Variants in DIPK1A observed in about 807,000 individuals in gnomAD.
DIPK1A encodes the protein divergent protein kinase domain 1A, also known as family with sequence similarity 69 member A.
Under a neutral mutation model 40.8 loss-of-function variants are expected in DIPK1A, and 27 were observed. The ratio of observed to expected loss-of-function variants is 0.66; its 90% CI spans 0.49 to 0.91. The LOEUF (loss-of-function observed/expected upper bound fraction) is 0.91. Among genes scored for constraint, DIPK1A ranks in the 40% least tolerant of loss-of-function variants. The pLI, the probability that DIPK1A is intolerant of heterozygous loss-of-function variation, is 0.00. For synonymous variants in DIPK1A, 166 were observed against 171.3 expected (o/e 0.97, Z 0.24); for missense variants, 412 against 505.7 (o/e 0.81, Z 1.78).
chr1:92,836,497 G>A, intron 4 of DIPK1A: 1 of 1,021,384 alleles, frequency 9.8e-7, no homozygotes, highest in East Asian at 2.5e-5. Flanking sequence ...TCAATTGAAT[G>A]CCTGCTGTAT....
intron 1 of DIPK1A, among the ~76,000 whole-genome samples, chr1:92,905,554 T>C (rs1009090881): frequency 6.6e-6 from 1 of 152,192 alleles, no homozygotes; most frequent in Non-Finnish European, 1.5e-5. Context: ...TTGCAAATAT[T>C]TTCTCCCATT....
At chr1:92,901,485 C>A (rs1457658335) in intron 1 of DIPK1A, among the ~76,000 whole-genome samples, 1 of 152,054 alleles carries the variant, frequency 6.6e-6, no homozygotes, top group African/African-American at 2.4e-5. Context: ...AGCTAGGCTG[C>A]AGCTGTGATT....
intron 1 of DIPK1A, among the ~76,000 whole-genome samples, chr1:92,954,784 C>A (rs556848446): frequency 2.0e-5 from 3 of 151,928 alleles, no homozygotes; most frequent in Non-Finnish European, 4.4e-5. Flanking sequence ...TAAAATGTAC[C>A]TAACTGCTAC....
At chr1:92,853,897 G>GT (rs370909256) in intron 2 of DIPK1A, among the ~76,000 whole-genome samples, 80 of 151,590 alleles carry the variant, frequency 5.3e-4, no homozygotes, top group Middle Eastern at 6.8e-3. Flanking sequence ...TTTTTGTTTT[G>GT]TTTTTTTGAG....
At chr1:92,839,632 A>G (rs1687272992), downstream of DIPK1A, among the ~76,000 whole-genome samples, 2 of 152,312 alleles carry the variant, frequency 1.3e-5, no homozygotes, top group South Asian at 2.1e-4. Flanking sequence ...CAGTTAAGCT[A>G]TGTCAGTGTT....
At chr1:92,919,752 AG>A (rs1453444282) in intron 1 of DIPK1A, among the ~76,000 whole-genome samples, 2 of 152,242 alleles carry the variant, frequency 1.3e-5, no homozygotes, top group African/African-American at 4.8e-5. Context: ...AGGGAGACCC[AG>A]GGAAGTTTCT....
At chr1:92,933,500 A>G (rs1279537708) in intron 1 of DIPK1A, 1 of 152,194 alleles carries the variant, frequency 6.6e-6, no homozygotes, top group Non-Finnish European at 1.5e-5. Flanking sequence ...GGAGTTTGAG[A>G]CCAGCCTGGG....
chr1:92,860,503 T>G (rs1647214135), intron 2 of DIPK1A, among the ~76,000 whole-genome samples: 1 of 151,796 alleles, frequency 6.6e-6, no homozygotes. Context: ...AAAGGCAGAC[T>G]TGGGGGCCGG....
At chr1:92,893,796 G>C (rs1291356904) in intron 1 of DIPK1A, among the ~76,000 whole-genome samples, 5 of 151,940 alleles carry the variant, frequency 3.3e-5, no homozygotes, top group Non-Finnish European at 7.4e-5. Flanking sequence ...CAAAATAAGG[G>C]GATGGAGGAA....
intron 1 of DIPK1A, among the ~76,000 whole-genome samples, chr1:92,914,854 G>A (rs1404279474): frequency 6.6e-6 from 1 of 151,236 alleles, no homozygotes; most frequent in Non-Finnish European, 1.5e-5. Flanking sequence ...GGGAGGCTGA[G>A]GTGGGGGGAT....
chr1:92,955,795 C>T (rs988603745), intron 1 of DIPK1A, among the ~76,000 whole-genome samples: 8 of 151,622 alleles, frequency 5.3e-5, no homozygotes, highest in African/African-American at 1.9e-4. Context: ...AATTCCAGCA[C>T]TTTGGGAGGC....
At chr1:92,936,950 T>C (rs1192850469) in intron 1 of DIPK1A, among the ~76,000 whole-genome samples, 1 of 152,220 alleles carries the variant, frequency 6.6e-6, no homozygotes, top group African/African-American at 2.4e-5. Flanking sequence ...TCACTGTTCA[T>C]TCACTCTATG....
At chr1:92,859,784 G>A (rs1279113606) in intron 2 of DIPK1A, among the ~76,000 whole-genome samples, 3 of 152,148 alleles carry the variant, frequency 2.0e-5, no homozygotes, top group Non-Finnish European at 2.9e-5. Context: ...GCTCACTGCA[G>A]CCTTGACCTC....
downstream of DIPK1A, chr1:92,840,670 A>G (rs1687321284): frequency 8.4e-6 from 13 of 1,551,306 alleles, no homozygotes; most frequent in Non-Finnish European, 1.1e-5. Context: ...TCTTTTCAAG[A>G]AAACAGGTTG....
At chr1:92,869,887 C>T (rs1647748032) in intron 2 of DIPK1A, among the ~76,000 whole-genome samples, 1 of 151,990 alleles carries the variant, frequency 6.6e-6, no homozygotes, top group South Asian at 2.1e-4. Context: ...CAGTAATGAC[C>T]AGGACCAGAA....
chr1:92,846,494 C>A, intron 4 of DIPK1A: 1 of 338,112 alleles, frequency 3.0e-6, no homozygotes, highest in Non-Finnish European at 6.1e-6. Context: ...CATTTTATTT[C>A]ACCTTTTTTG....
chr1:92,866,262 C>T (rs1647537310), intron 2 of DIPK1A, among the ~76,000 whole-genome samples: 2 of 152,116 alleles, frequency 1.3e-5, no homozygotes, highest in Admixed American at 6.5e-5. Flanking sequence ...CCACCAGGCC[C>T]GGCTAATTCT....
At chr1:92,890,140 A>G (rs1252766608) in intron 1 of DIPK1A, among the ~76,000 whole-genome samples, 1 of 152,166 alleles carries the variant, frequency 6.6e-6, no homozygotes, top group African/African-American at 2.4e-5. Flanking sequence ...ATATAGAAAT[A>G]CTACTGATTT....
chr1:92,895,209 A>G (rs1283927390), intron 1 of DIPK1A, among the ~76,000 whole-genome samples: 3 of 151,954 alleles, frequency 2.0e-5, no homozygotes, highest in African/African-American at 7.3e-5. Flanking sequence ...AAAAAAAGAG[A>G]ATTTTAGACC....
Sources: gnomAD v4.1 joint callset for allele counts (sites outside exome capture counted in the v4.1 genomes callset) on GRCh38, gnomAD v4.1.1 for gene constraint, MANE v1.5 for transcripts, NCBI Gene and HGNC (gene_info 2026-07-23, HGNC 2026-07-21) for gene names.